The following SIMC1 variants were observed in gnomAD, a reference collection of about 807,000 sequenced individuals.
SIMC1 encodes the protein SUMO-interacting motif-containing protein 1.
SIMC1 carries 55 observed loss-of-function variants against 82.3 expected under a neutral mutation model. The observed-to-expected ratio is 0.67, with a 90% confidence interval of 0.54 to 0.84. The LOEUF is 0.84. Among genes scored for constraint, SIMC1 ranks in the 40% least tolerant of loss-of-function variants. SIMC1 has a pLI of 0.00. For synonymous variants in SIMC1, 353 were observed against 426.3 expected, an observed-to-expected ratio of 0.83 and a Z score of 2.12; for missense variants, 915 against 1,107.2, an observed-to-expected ratio of 0.83 and a Z score of 2.46.
intron 2 of SIMC1, among the ~76,000 whole-genome samples, chr5:176,294,664 T>C (rs1763724095): frequency 6.6e-6 from 1 of 151,608 alleles, no homozygotes; most frequent in African/African-American, 2.4e-5. Context: ...CTTATTTTTG[T>C]ATACTATAGA....
chr5:176,254,952 G>A (rs926375840), intron 1 of SIMC1, among the ~76,000 whole-genome samples: 21 of 152,006 alleles, frequency 1.4e-4, no homozygotes, highest in African/African-American at 4.8e-4. Flanking sequence ...GAAAGAAAAG[G>A]TTTCCTTAAA....
At chr5:176,246,929 G>A (rs1482826777) in intron 1 of SIMC1, among the ~76,000 whole-genome samples, 4 of 152,200 alleles carry the variant, frequency 2.6e-5, no homozygotes, top group Admixed American at 6.5e-5. Context: ...TCCCTCCAAA[G>A]GACATGAACT....
chr5:176,262,489 C>CA (rs983293872), intron 1 of SIMC1, among the ~76,000 whole-genome samples: 2 of 151,902 alleles, frequency 1.3e-5, no homozygotes, highest in African/African-American at 4.8e-5. Context: ...GCTAATGTGA[C>CA]AAAAAAAGAA....
rs565069621 is a variant in SIMC1 at position 176,246,772 on chromosome 5, C to A, written c.129+8135C>A. 2.7e-4 allele frequency among the ~76,000 whole-genome samples: 41 copies of A among 152,000 alleles called. No individual in the cohort carries two copies. In the East Asian group the frequency reaches 7.7e-3, roughly 29 times the overall value. On this transcript the variant is annotated intron_variant, in intron 1 of 9. Transcript: ENST00000429602. ...AATCCCTCCCCTAGCCCCCCACCCCCCAACAGGCCCGGGTGTGTGATGTTC... is the reference window on the plus strand; with the variant it reads ...AATCCCTCCCCTAGCCCCCCACCCCACAACAGGCCCGGGTGTGTGATGTTC...
chr5:176,328,706 G>A (rs1765498440), intron 7 of SIMC1, among the ~76,000 whole-genome samples: 2 of 152,102 alleles, frequency 1.3e-5, no homozygotes, highest in Non-Finnish European at 1.5e-5. Context: ...ACAGAAACAA[G>A]TTAACCTAAC....
chr5:176,254,052 A>G (rs1253865576), intron 1 of SIMC1, among the ~76,000 whole-genome samples: 1 of 152,234 alleles, frequency 6.6e-6, no homozygotes, highest in Non-Finnish European at 1.5e-5. Flanking sequence ...GCAACAGCAC[A>G]GAAATTTCCT....
At chr5:176,304,581 G>C (rs960325659) in intron 4 of SIMC1, among the ~76,000 whole-genome samples, 14 of 149,130 alleles carry the variant, frequency 9.4e-5, no homozygotes, top group African/African-American at 3.4e-4. Context: ...CCAAAGTGCC[G>C]AGATTGCAGC....
intron 1 of SIMC1, among the ~76,000 whole-genome samples, chr5:176,286,353 C>A (rs369370793): frequency 6.6e-6 from 1 of 152,270 alleles, no homozygotes; most frequent in Non-Finnish European, 1.5e-5. Context: ...ACCATCTGAT[C>A]TTTGACAAAC....
At chr5:176,291,152 CACTTT>C (rs1763543725) in intron 2 of SIMC1, among the ~76,000 whole-genome samples, 197 bp downstream of exon 2, 1 of 140,550 alleles carries the variant, frequency 7.1e-6, no homozygotes, top group African/African-American at 2.6e-5. Flanking sequence ...TAAAAACTGT[CACTTT>C]ACTTTTTTTT....
chr5:176,288,814 G>A (rs1362792682), intron 1 of SIMC1, among the ~76,000 whole-genome samples: 2 of 152,220 alleles, frequency 1.3e-5, no homozygotes, highest in African/African-American at 4.8e-5. Flanking sequence ...ATCCAAGTAA[G>A]TGAGAAGACA....
intron 1 of SIMC1, among the ~76,000 whole-genome samples, chr5:176,242,265 TAAAA>T (rs1761300527): frequency 6.6e-6 from 1 of 151,856 alleles, no homozygotes; most frequent in African/African-American, 2.4e-5. Flanking sequence ...TGATACAAAT[TAAAA>T]AGAAAAAAAT....
intron 1 of SIMC1, among the ~76,000 whole-genome samples, chr5:176,282,788 C>T (rs1417483189): frequency 2.6e-5 from 4 of 152,326 alleles, no homozygotes; most frequent in South Asian, 4.1e-4. Context: ...AAAGATTAGA[C>T]GAATGGCTAA....
chr5:176,264,330 C>T (rs1762117525), intron 1 of SIMC1, among the ~76,000 whole-genome samples: 1 of 152,286 alleles, frequency 6.6e-6, no homozygotes, highest in Non-Finnish European at 1.5e-5. Flanking sequence ...TAGAGTCTCT[C>T]TGTGGGGGCT....
At chr5:176,273,514 T>C (rs1183022930) in intron 1 of SIMC1, among the ~76,000 whole-genome samples, 3 of 152,162 alleles carry the variant, frequency 2.0e-5, no homozygotes, top group Non-Finnish European at 2.9e-5. Context: ...AAAAAAATTT[T>C]TTTTTATACT....
rs1391739119 is a variant in SIMC1, at chr5:176,300,521, TAA to T, written c.1734+4202_1734+4203del. Reference sequence around the variant, plus strand: ...TTTTTTGTCGAGGTGGGAATCTAGCTAAGTTGCCCAGGCTGGTCTTGAACTCT... The same window carrying T: ...TTTTTTGTCGAGGTGGGAATCTAGCTGTTGCCCAGGCTGGTCTTGAACTCT... On this transcript the variant is annotated intron_variant, in intron 4 of 9. Coordinates refer to ENST00000429602, the MANE Select transcript of SIMC1 (RefSeq NM_001308195.2). Among the ~76,000 whole-genome samples the T allele has an allele frequency of 3.7e-3, 557 of 150,778 alleles. 3 individuals are homozygous for T. The highest frequency in any genetic ancestry group is 0.013 in the African/African-American group (529 of 41,284).
intron 1 of SIMC1, among the ~76,000 whole-genome samples, chr5:176,279,164 C>T (rs1762860617): frequency 6.6e-6 from 1 of 152,140 alleles, no homozygotes; most frequent in South Asian, 2.1e-4. Flanking sequence ...CAACTTCTTC[C>T]TGGTTTAGTG....
chr5:176,303,413 C>T (rs550961005), intron 4 of SIMC1, among the ~76,000 whole-genome samples: 26 of 151,370 alleles, frequency 1.7e-4, no homozygotes, highest in Non-Finnish European at 2.7e-4. Flanking sequence ...CTACAACCTC[C>T]GCCTCCTGGG....
At chr5:176,300,461 A>G (rs1197731275) in intron 4 of SIMC1, among the ~76,000 whole-genome samples, 3 of 149,102 alleles carry the variant, frequency 2.0e-5, no homozygotes, top group Non-Finnish European at 4.4e-5. Context: ...TGGGAAAACA[A>G]GCATGCGTCA....
intron 1 of SIMC1, among the ~76,000 whole-genome samples, chr5:176,250,943 G>A (rs1250012729): frequency 3.9e-5 from 6 of 152,218 alleles, no homozygotes; most frequent in Middle Eastern, 3.4e-3. Context: ...TTTAATTGGG[G>A]CATTTAGCCC....
Sources: allele counts gnomAD v4.1 joint callset (sites outside exome capture counted in the v4.1 genomes callset), GRCh38; gene constraint gnomAD v4.1.1; transcripts MANE v1.5; gene names NCBI Gene and HGNC (gene_info 2026-07-23, HGNC 2026-07-21).